GALNT13: variants seen among roughly 807,000 people sequenced by gnomAD.
GALNT13 encodes the protein polypeptide N-acetylgalactosaminyltransferase 13.
In GALNT13, 28 loss-of-function variants were observed where a neutral mutation model predicts 64.2. The ratio of observed to expected loss-of-function variants is 0.44; its 90% CI spans 0.32 to 0.60. The LOEUF is 0.60. Among genes scored for constraint, GALNT13 ranks in the 20% least tolerant of loss-of-function variants. The pLI is 0.05. For synonymous variants in GALNT13, 214 were observed against 224.6 expected (o/e 0.95, Z 0.42); for missense variants, 577 against 669.8 (o/e 0.86, Z 1.53).
chr2:153,677,927 C>G, the GALNT13 span, among the ~76,000 whole-genome samples: 17 of 151,988 alleles, frequency 1.1e-4, no homozygotes, highest in East Asian at 1.9e-3. Flanking sequence ...ACCATAAAAC[C>G]CTTGAAGAAA....
intron 3 of GALNT13, among the ~76,000 whole-genome samples, chr2:154,137,499 C>T (rs920950095): frequency 6.6e-6 from 1 of 152,080 alleles, no homozygotes; most frequent in Non-Finnish European, 1.5e-5. Context: ...CCTAGGTATA[C>T]GGACACTGTT....
chr2:153,915,081 C>T (rs923654298), intron 2 of GALNT13, among the ~76,000 whole-genome samples: 4 of 152,222 alleles, frequency 2.6e-5, no homozygotes, highest in African/African-American at 9.6e-5. Context: ...CTGCTCTTCC[C>T]CCAGTGTTAG....
the GALNT13 span, among the ~76,000 whole-genome samples, chr2:153,740,856 T>C: frequency 6.6e-6 from 1 of 152,138 alleles, no homozygotes. Flanking sequence ...TGCATATCAT[T>C]TGGGGCAGCC....
rs79692209 is a variant in GALNT13, at chr2:154,180,167, A to G, written c.311+39662A>G. On this transcript the variant is annotated intron_variant, in intron 4 of 12. Coordinates refer to ENST00000392825, the MANE Select transcript of GALNT13 (RefSeq NM_052917.4). ...CAGTGCCTGAAAAATAATTTGTGAC[A>G]TCTGTAGCCTTCTCTAATCATTTCA... Among the ~76,000 whole-genome samples the G allele has an allele frequency of 6.8e-3, 1,035 of 152,238 alleles. 8 individuals carry two copies. Among genetic ancestry groups the G allele is most frequent in the African/African-American group, 0.024 (1,000 of 41,536 alleles).
chr2:154,204,951 G>C (rs2105786599), intron 4 of GALNT13, among the ~76,000 whole-genome samples: 1 of 152,230 alleles, frequency 6.6e-6, no homozygotes, highest in East Asian at 1.9e-4. Context: ...TGCTGTGTTA[G>C]CCCTGATGGC....
At chr2:153,891,961 G>T (rs987612653) in intron 1 of GALNT13, among the ~76,000 whole-genome samples, 3 of 151,880 alleles carry the variant, frequency 2.0e-5, no homozygotes, top group African/African-American at 7.3e-5. Flanking sequence ...ACGTTGCTTT[G>T]CAGCCTTGAA....
the GALNT13 span, among the ~76,000 whole-genome samples, chr2:153,211,665 A>G: frequency 1.4e-4 from 22 of 152,216 alleles, no homozygotes; most frequent in Admixed American, 2.0e-4. Flanking sequence ...AATCAGCAGT[A>G]TCAACATCAC....
At chr2:153,088,583 G>A in the GALNT13 span, among the ~76,000 whole-genome samples, 1 of 152,066 alleles carries the variant, frequency 6.6e-6, no homozygotes, top group Non-Finnish European at 1.5e-5. Flanking sequence ...CTATTATCGT[G>A]TTGTCACCTA....
the GALNT13 span, among the ~76,000 whole-genome samples, chr2:153,684,674 CA>C: frequency 6.6e-6 from 1 of 151,456 alleles, no homozygotes; most frequent in Non-Finnish European, 1.5e-5. Context: ...ATTTTAAGTT[CA>C]GGGGTACATG....
At chr2:153,848,265 G>C in the GALNT13 span, among the ~76,000 whole-genome samples, 2 of 152,244 alleles carry the variant, frequency 1.3e-5, no homozygotes, top group South Asian at 4.1e-4. Context: ...GTAATTCTCT[G>C]AAGAAGTTTG....
At chr2:154,434,824 A>G (rs922855123) in intron 11 of GALNT13, among the ~76,000 whole-genome samples, 1 of 152,200 alleles carries the variant, frequency 6.6e-6, no homozygotes, top group Admixed American at 6.5e-5. Flanking sequence ...TACATGTTAC[A>G]TTTTGCAGTA....
At chr2:153,292,701 A>C in the GALNT13 span, among the ~76,000 whole-genome samples, 5 of 152,160 alleles carry the variant, frequency 3.3e-5, no homozygotes, top group Non-Finnish European at 7.4e-5. Flanking sequence ...TAGTAATCCC[A>C]GGGAAAAGAG....
the GALNT13 span, among the ~76,000 whole-genome samples, chr2:153,181,776 AATTTAT>A: frequency 6.9e-6 from 1 of 145,886 alleles, no homozygotes; most frequent in South Asian, 2.1e-4. Context: ...TACAAATATA[AATTTAT>A]ATTTATATTA....
the GALNT13 span, among the ~76,000 whole-genome samples, chr2:153,216,763 TCTC>T: frequency 6.6e-6 from 1 of 152,044 alleles, no homozygotes; most frequent in South Asian, 2.1e-4. Flanking sequence ...TTTAAAAAAT[TCTC>T]CTAGTATGTC....
chr2:153,869,811 G>T (rs544549215), upstream of GALNT13, among the ~76,000 whole-genome samples: 103 of 152,080 alleles, frequency 6.8e-4, no homozygotes, highest in African/African-American at 2.4e-3. Context: ...TCAAGACATG[G>T]ACTATATTAT....
chr2:153,707,804 C>T, the GALNT13 span, among the ~76,000 whole-genome samples: 1 of 152,094 alleles, frequency 6.6e-6, no homozygotes, highest in African/African-American at 2.4e-5. Flanking sequence ...AGTATGGACT[C>T]TGAGGGTGTT....
At chr2:154,199,631 G>GTAAT (rs1218447618) in intron 4 of GALNT13, among the ~76,000 whole-genome samples, 1 of 151,986 alleles carries the variant, frequency 6.6e-6, no homozygotes, top group South Asian at 2.1e-4. Context: ...TCTCAGTGGA[G>GTAAT]TAATTATTGC....
chr2:153,783,340 A>G, the GALNT13 span, among the ~76,000 whole-genome samples: 2 of 152,204 alleles, frequency 1.3e-5, no homozygotes, highest in Non-Finnish European at 2.9e-5. Flanking sequence ...ACCAAGAGGA[A>G]ATGACTTCAT....
At chr2:153,446,312 G>A in the GALNT13 span, among the ~76,000 whole-genome samples, 1 of 152,212 alleles carries the variant, frequency 6.6e-6, no homozygotes. Flanking sequence ...AGTCCACCAA[G>A]CTTTGAACTA....
Sources: allele counts gnomAD v4.1 joint callset (sites outside exome capture counted in the v4.1 genomes callset), GRCh38; gene constraint gnomAD v4.1.1; transcripts MANE v1.5; gene names NCBI Gene and HGNC (gene_info 2026-07-23, HGNC 2026-07-21).